MED26: variants seen among roughly 807,000 people sequenced by gnomAD.
MED26 encodes mediator complex subunit 26.
Under a neutral mutation model 43.7 loss-of-function variants are expected in MED26, and 7 were observed. The ratio of observed to expected loss-of-function variants is 0.16; its 90% confidence interval spans 0.09 to 0.30. The LOEUF is 0.30. Among genes scored for constraint, MED26 ranks in the 10% least tolerant of loss-of-function variants. The pLI, the probability that MED26 is intolerant of heterozygous loss-of-function variation, is 1.00. For missense variants in MED26, 784 were observed against 840.6 expected, an observed-to-expected ratio of 0.93 and a Z score of 0.83; for synonymous variants, 375 against 371.1, an observed-to-expected ratio of 1.01 and a Z score of -0.12.
At chr19:16,584,299 CCCCCG>C (rs1568281124) in intron 1 of MED26, among the ~76,000 whole-genome samples, 1 of 142,094 alleles carries the variant, frequency 7.0e-6, no homozygotes, top group African/African-American at 2.9e-5. Context: ...ACACTGCCCC[CCCCCG>C]CCCCGCCAAA....
Position 16,575,910 on chromosome 19 carries a change from C to G in MED26, c.*117G>C. ...TCCCGCCCCCTCCCTCCCGCCTGGG[C>G]CGGACTCCCCGAGTTCCCAGCGCAG... is the stretch of plus-strand genomic sequence containing the variant. On this transcript the variant is annotated 3_prime_UTR_variant, in exon 3 of 3. Transcript: ENST00000263390. 1 of 887,574 alleles carries G rather than the reference C, an allele frequency of 1.1e-6. No individual in the cohort carries two copies. Among genetic ancestry groups the G allele is most frequent in the Non-Finnish European group, 1.7e-6 (1 of 581,930 alleles). The allele number at this position is 887,574 out of a possible 1,614,324, so 55.0% of individuals were successfully genotyped here.
intron 1 of MED26, among the ~76,000 whole-genome samples, chr19:16,596,485 T>C (rs1252615499): frequency 1.3e-5 from 2 of 152,162 alleles, no homozygotes; most frequent in African/African-American, 4.8e-5. Context: ...AGCCATCGAG[T>C]GCATACGTGG....
At chr19:16,600,030 A>G (rs2086141035) in intron 1 of MED26, among the ~76,000 whole-genome samples, 1 of 151,886 alleles carries the variant, frequency 6.6e-6, no homozygotes, top group South Asian at 2.1e-4. Context: ...GTGAGGACAC[A>G]CTCTCCAAGC....
chr19:16,597,388 G>C, intron 1 of MED26: 1 of 398,586 alleles, frequency 2.5e-6, no homozygotes, highest in Non-Finnish European at 4.4e-6. Flanking sequence ...CACTTTCCTA[G>C]TTTATTTCAG....
intron 1 of MED26, among the ~76,000 whole-genome samples, chr19:16,616,992 T>C (rs902950113): frequency 6.6e-6 from 1 of 152,074 alleles, no homozygotes; most frequent in Non-Finnish European, 1.5e-5. Flanking sequence ...GGACAGCTCA[T>C]CTTCCTAAAC....
intron 1 of MED26, among the ~76,000 whole-genome samples, chr19:16,580,698 A>T (rs2086041024): frequency 6.6e-6 from 1 of 152,084 alleles, no homozygotes; most frequent in Non-Finnish European, 1.5e-5. Flanking sequence ...CACTACAGGA[A>T]TGAGGCCCAT....
chr19:16,622,861 TA>T (rs1415985607), intron 1 of MED26, among the ~76,000 whole-genome samples: 2 of 152,146 alleles, frequency 1.3e-5, no homozygotes, highest in Non-Finnish European at 2.9e-5. Flanking sequence ...TCAGCCTGGT[TA>T]AACTAGAGCT....
Position 16,576,855 on chromosome 19 carries a change from G to A in MED26, c.975C>T (p.Pro325=), listed in dbSNP as rs767412538. 1.9e-5 allele frequency: 30 copies of A among 1,610,316 alleles called. No individual in the cohort carries two copies. Among genetic ancestry groups the A allele is most frequent in the South Asian group, 6.6e-5 (6 of 90,822 alleles). The change falls in exon 3 of 3, where the codon CCC becomes CCT. Residue 325 remains proline, a synonymous_variant. Transcript: ENST00000263390. This position sits in a 1 kb window ranked among gnomAD's most constrained non-coding sequence, Gnocchi z 6.8. The part of the protein sequence containing the change: ...PLPLAQPSTP[P]VRRLELLPSA... ...TGGGCAGCAGCTCGAGCCGCCGTAC[G>A]GGGGGTGTGGACGGCTGTGCCAGTG...
chr19:16,586,861 G>A lies in MED26; in HGVS notation c.73-8452C>T, dbSNP rs1039479288. The A allele has an allele frequency of 2.6e-5, 4 of 151,338 alleles. No homozygotes were observed. The highest frequency in any genetic ancestry group is 9.7e-5 in the African/African-American group (4 of 41,162). The allele number at this position is 151,338 out of a possible 1,614,324, so 9.4% of individuals were successfully genotyped here. Reference sequence around the variant, plus strand: ...CCCCTGCTGAGGCCTCAGTGGCAAAGCACCTGTAAAAACCGGTTCACTTTA... The same window carrying A: ...CCCCTGCTGAGGCCTCAGTGGCAAAACACCTGTAAAAACCGGTTCACTTTA... On this transcript the variant is annotated intron_variant, in intron 1 of 2. Transcript: ENST00000263390. The surrounding 1 kb of genome is among the most constrained non-coding windows in gnomAD (Gnocchi z 5.1).
Position 16,576,734 on chromosome 19 carries a change from G to A in MED26, c.1096C>T (p.Leu366Phe). Reference protein sequence around the residue: ...CKAGLSPAEPLLSRAGFSPDS... With the variant: ...CKAGLSPAEPFLSRAGFSPDS... ...GGGGAAAAGCCTGCCCGGGACAGGA[G>A]GGGCTCGGCTGGGGACAGCCCTGCC... is the stretch of plus-strand genomic sequence containing the variant. The change falls in exon 3 of 3, where the codon CTC becomes TTC. Residue 366 changes from leucine to phenylalanine, a missense_variant. By Grantham distance (22) the Leu-to-Phe change is conservative. Coordinates refer to ENST00000263390, the MANE Select transcript of MED26 (RefSeq NM_004831.5). The surrounding 1 kb of genome is among the most constrained non-coding windows in gnomAD (Gnocchi z 6.8). 1.2e-6 allele frequency: 2 copies of A among 1,611,046 alleles called. No individual in the cohort carries two copies. The highest frequency in any genetic ancestry group is 1.7e-6 in the Non-Finnish European group (2 of 1,179,798).
chr19:16,601,356 T>C (rs1465308285), intron 1 of MED26, among the ~76,000 whole-genome samples: 4 of 152,098 alleles, frequency 2.6e-5, no homozygotes, highest in Admixed American at 2.0e-4. Flanking sequence ...GGTTTCTCCA[T>C]GTTGGTCAGG....
intron 1 of MED26, among the ~76,000 whole-genome samples, chr19:16,606,327 G>A (rs1291285190): frequency 2.0e-5 from 3 of 152,312 alleles, no homozygotes; most frequent in East Asian, 1.9e-4. Flanking sequence ...GAGGTGGGCG[G>A]ATCACCTGAG....
At chr19:16,597,984 C>G (rs2086129969) in intron 1 of MED26, among the ~76,000 whole-genome samples, 1 of 152,068 alleles carries the variant, frequency 6.6e-6, no homozygotes, top group Non-Finnish European at 1.5e-5. Flanking sequence ...CTTGCCCTCC[C>G]AAAGTGCTGG....
intron 1 of MED26, 139 bp from the exon 2 acceptor site, chr19:16,578,548 C>T (rs1384103720): frequency 8.3e-6 from 6 of 722,804 alleles, no homozygotes; most frequent in East Asian, 5.5e-5. Flanking sequence ...CACTCCATGT[C>T]GTCTCCTACC....
intron 1 of MED26, among the ~76,000 whole-genome samples, chr19:16,613,824 AC>A (rs1348157063): frequency 2.6e-5 from 4 of 152,274 alleles, no homozygotes; most frequent in Admixed American, 1.3e-4. Flanking sequence ...ATAGATTTAC[AC>A]CAAAGGATGT....
chr19:16,625,385 G>A (rs1202091454), intron 1 of MED26, among the ~76,000 whole-genome samples: 3 of 152,194 alleles, frequency 2.0e-5, no homozygotes, highest in Non-Finnish European at 2.9e-5. Flanking sequence ...GATACTTGTG[G>A]ATATTAGGTC....
At chr19:16,606,920 C>T (rs1441893917) in intron 1 of MED26, among the ~76,000 whole-genome samples, 1 of 152,206 alleles carries the variant, frequency 6.6e-6, no homozygotes, top group Admixed American at 6.5e-5. Flanking sequence ...GAAGGCTCTC[C>T]CTGTGTTGGT....
At chr19:16,614,405 T>C (rs1365664128) in intron 1 of MED26, among the ~76,000 whole-genome samples, 1 of 152,132 alleles carries the variant, frequency 6.6e-6, no homozygotes, top group African/African-American at 2.4e-5. Context: ...AGCGTGTGTC[T>C]GTAGTCTTAG....
intron 1 of MED26, among the ~76,000 whole-genome samples, chr19:16,618,148 C>G (rs528942189): frequency 1.3e-5 from 2 of 152,124 alleles, no homozygotes; most frequent in African/African-American, 2.4e-5. Context: ...ACAATCAGAC[C>G]CAACAGATCT....
Sources: gnomAD v4.1 joint callset for allele counts (sites outside exome capture counted in the v4.1 genomes callset) on GRCh38, gnomAD v4.1.1 for gene constraint, Gnocchi (gnomAD v3.1) non-coding constraint, MANE v1.5 for transcripts, NCBI Gene and HGNC (gene_info 2026-07-23, HGNC 2026-07-21) for gene names.